CBLIF: variants seen among roughly 807,000 people sequenced by gnomAD.
CBLIF encodes the protein cobalamin binding intrinsic factor.
CBLIF carries 24 observed loss-of-function variants against 44.9 expected under a neutral mutation model. That is an observed-to-expected ratio of 0.53 (90% CI 0.39 to 0.75). The LOEUF (loss-of-function observed/expected upper bound fraction) is 0.75, where lower values mean the gene tolerates loss of function less well. Among genes scored for constraint, CBLIF ranks in the 30% least tolerant of loss-of-function variants. The pLI, the probability that CBLIF is intolerant of heterozygous loss-of-function variation, is 0.00. For synonymous variants in CBLIF, 183 were observed against 190.9 expected, an observed-to-expected ratio of 0.96 and a Z score of 0.34; for missense variants, 481 against 513.0, an observed-to-expected ratio of 0.94 and a Z score of 0.60.
chr11:59,836,038 CA>C (rs1866452248), intron 6 of CBLIF, 29 bp from the exon 7 acceptor site: 4 of 1,570,196 alleles, frequency 2.5e-6, no homozygotes, highest in Non-Finnish European at 2.6e-6. Flanking sequence ...CCACATTTGT[CA>C]AAGATTATGG....
Position 59,843,149 on chromosome 11 carries a change from G to A in CBLIF, c.257-8C>T. 1 of 1,554,820 alleles carries A rather than the reference G, an allele frequency of 6.4e-7. No individual in the cohort carries two copies. Among genetic ancestry groups the A allele is most frequent in the Non-Finnish European group, 8.9e-7 (1 of 1,126,058 alleles). On this transcript the variant is annotated splice_region_variant and splice_polypyrimidine_tract_variant and intron_variant, in intron 2 of 8. Coordinates refer to ENST00000257248, the MANE Select transcript of CBLIF (RefSeq NM_005142.3). ...GCTGCCCAATGGTTAGATCTGCAGA[G>A]AAGAGAACACAACGGTTAGACAGAG...
At chr11:59,838,100 G>A (rs970038883) in intron 5 of CBLIF, among the ~76,000 whole-genome samples, 9 of 152,134 alleles carry the variant, frequency 5.9e-5, no homozygotes, top group African/African-American at 2.2e-4. Flanking sequence ...CTTTATTCTG[G>A]TTATTCCTGA....
chr11:59,843,642 G>T (rs1472978421), intron 2 of CBLIF, among the ~76,000 whole-genome samples: 1 of 152,142 alleles, frequency 6.6e-6, no homozygotes, highest in African/African-American at 2.4e-5. Flanking sequence ...GAACCAGAAG[G>T]CTGCTCTTTC....
chr11:59,843,825 G>A lies in CBLIF; in HGVS notation c.256+54C>T. 3 of 1,319,358 alleles carry A rather than the reference G, an allele frequency of 2.3e-6. No homozygotes were observed. The South Asian group carries it at 3.5e-5, about 16-fold the overall frequency. 81.7% of individuals were successfully genotyped at this position (1,319,358 alleles called of 1,614,324 possible). On this transcript the variant is annotated intron_variant, in intron 2 of 8. Coordinates refer to ENST00000257248, the MANE Select transcript of CBLIF (RefSeq NM_005142.3). The stretch of plus-strand genomic sequence containing the variant: ...AAGGACGCTGAGTTGGAATCTGGAG[G>A]TGGTATGTGATGTGTGAGATTCAGG...
rs1866545812 is a variant in CBLIF at position 59,842,453 on chromosome 11, G to A, written c.501C>T (p.Pro167=). Residue 167 remains proline (P), a synonymous_variant, in exon 4 of 9, where the codon CCC becomes CCT. Coordinates refer to ENST00000257248, the MANE Select transcript of CBLIF (RefSeq NM_005142.3). The part of the protein sequence containing the change: ...FAKTLLANSS[P]FNVDTGAMAT... ...TGGTGACCTACTCACCTACATTGAA[G>A]GGAGAGGAGTTGGCCAGCAGGGTCT... The A allele has an allele frequency of 1.2e-6, 2 of 1,613,630 alleles. No homozygotes were observed. The highest frequency in any genetic ancestry group is 8.5e-7 in the Non-Finnish European group (1 of 1,180,036).
rs1229526027 is a variant in CBLIF, at chr11:59,843,039, C to T, written c.359G>A (p.Trp120Ter). 1 of 1,595,254 alleles carries T rather than the reference C, an allele frequency of 6.3e-7. No individual in the cohort carries two copies. Among genetic ancestry groups the T allele is most frequent in the East Asian group, 2.2e-5 (1 of 44,788 alleles). Residue 120 changes from tryptophan (W) to a stop codon, truncating the protein, a stop_gained, in exon 3 of 9, where the codon TGG (tryptophan) becomes TAG (stop). Coordinates refer to ENST00000257248, the MANE Select transcript of CBLIF (RefSeq NM_005142.3). LOFTEE classifies it high-confidence loss of function. Reference protein sequence around the residue: ...VSILQRQMENWAPSSPNAEAS... With the variant: ...VSILQRQMEN ...CAGTCAGGTCTTACTGGAAGGTGCC[C>T]AGTTCTCCATTTGTCTTTGTAGAAT...
intron 5 of CBLIF, among the ~76,000 whole-genome samples, chr11:59,837,801 G>A (rs1210018760): frequency 1.3e-5 from 2 of 152,178 alleles, no homozygotes; most frequent in Non-Finnish European, 2.9e-5. Context: ...CCTGGCCCAG[G>A]ATGGACTCAT....
chr11:59,842,313 C>T (rs376542657), intron 4 of CBLIF, 130 bp downstream of exon 4: 6 of 996,292 alleles, frequency 6.0e-6, no homozygotes, highest in African/African-American at 3.2e-5. Flanking sequence ...TATCTCCCAT[C>T]CACAGGCACG....
At chr11:59,835,587 A>G (rs1303241557) in intron 7 of CBLIF, among the ~76,000 whole-genome samples, 1 of 152,204 alleles carries the variant, frequency 6.6e-6, no homozygotes. Flanking sequence ...GGACTTTCGA[A>G]TCTCCTCTGA....
Position 59,835,993 on chromosome 11 carries a change from T to C in CBLIF, c.888A>G (p.Pro296=). The change falls in exon 7 of 9, where the codon CCA becomes CCG. Residue 296 remains proline, a synonymous_variant. Coordinates refer to ENST00000257248, the MANE Select transcript of CBLIF (RefSeq NM_005142.3). The part of the protein sequence containing the change: ...VTCSPDHEVQ[P]TLPSNPGPGP... Reference sequence around the variant, plus strand: ...CAGGGCCAGGGTTGCTGGGTAGAGTTGGTTGTACCTCATGATCTGTGAAGG... The same window carrying C: ...CAGGGCCAGGGTTGCTGGGTAGAGTCGGTTGTACCTCATGATCTGTGAAGG... The C allele has an allele frequency of 6.2e-7, 1 of 1,614,082 alleles. No individual in the cohort carries two copies. Among genetic ancestry groups the C allele is most frequent in the Non-Finnish European group, 8.5e-7 (1 of 1,179,900 alleles).
chr11:59,843,005 TC>T, intron 3 of CBLIF, 22 bp downstream of exon 3: 1 of 1,372,228 alleles, frequency 7.3e-7, no homozygotes, highest in Non-Finnish European at 1.0e-6. Context: ...CTGACTCTTT[TC>T]TCCCTTCCAG....
At chr11:59,832,550 G>A (rs1260503698) in intron 7 of CBLIF, among the ~76,000 whole-genome samples, 1 of 152,152 alleles carries the variant, frequency 6.6e-6, no homozygotes, top group Non-Finnish European at 1.5e-5. Context: ...CACTTTGGGA[G>A]GCTGAAGAGG....
rs146744565 is a variant in CBLIF, at chr11:59,835,884, T to C, written c.997A>G (p.Ile333Val). The stretch of plus-strand genomic sequence containing the variant: ...GACCCACTTTTCACACTAACATTGA[T>C]GGTCTCGTTGAAGAGCAGCTCAACC... ...RGVELLFNET[I>V]NVSVKSGSVL... Residue 333 changes from isoleucine (I) to valine (V), a missense_variant, in exon 7 of 9, where the codon ATC becomes GTC. Ile to Val is a conservative substitution (Grantham distance 29). Coordinates refer to ENST00000257248, the MANE Select transcript of CBLIF (RefSeq NM_005142.3). 40 of 1,614,138 alleles carry C rather than the reference T, an allele frequency of 2.5e-5. No homozygotes were observed. In the African/African-American group the frequency reaches 3.7e-4, roughly 15 times the overall value.
chr11:59,843,920 T>C lies in CBLIF; in HGVS notation c.215A>G (p.Gln72Arg). The stretch of plus-strand genomic sequence containing the variant: ...CATGAGCTGGTAAGTCAGGAGCTTC[T>C]GGGCCTTCAAGTTGTAGGCTCCGGC... ...NLAGAYNLKA[Q>R]KLLTYQLMSS... Residue 72 changes from glutamine to arginine, a missense_variant, in exon 2 of 9, where the codon CAG becomes CGG. Physicochemically the swap from Gln to Arg is conservative, Grantham distance 43. Transcript: ENST00000257248. The C allele has an allele frequency of 6.2e-7, 1 of 1,613,692 alleles. No homozygotes were observed. Among genetic ancestry groups the C allele is most frequent in the Non-Finnish European group, 8.5e-7 (1 of 1,179,652 alleles).
intron 7 of CBLIF, 119 bp downstream of exon 7, chr11:59,835,689 A>C: frequency 1.3e-6 from 1 of 794,652 alleles, no homozygotes; most frequent in Non-Finnish European, 2.3e-6. Context: ...AAGCTGCTCA[A>C]GCGCTATTAA....
At chr11:59,834,099 A>G (rs954290911) in intron 7 of CBLIF, among the ~76,000 whole-genome samples, 9 of 152,190 alleles carry the variant, frequency 5.9e-5, no homozygotes, top group African/African-American at 1.9e-4. Context: ...AGTATCTGCT[A>G]TCTACTGCAT....
intron 2 of CBLIF, 91 bp from the exon 3 acceptor site, chr11:59,843,232 G>C: frequency 1.3e-6 from 1 of 776,470 alleles, no homozygotes; most frequent in Non-Finnish European, 2.3e-6. Flanking sequence ...TTTTTATCTA[G>C]AGCATTTTGA....
chr11:59,834,151 C>T (rs1156723670), intron 7 of CBLIF, among the ~76,000 whole-genome samples: 1 of 152,082 alleles, frequency 6.6e-6, no homozygotes, highest in African/African-American at 2.4e-5. Context: ...GATGACTGTC[C>T]AATTTATTTT....
chr11:59,839,757 T>C (rs1866499563), intron 5 of CBLIF, among the ~76,000 whole-genome samples: 1 of 152,150 alleles, frequency 6.6e-6, no homozygotes, highest in Non-Finnish European at 1.5e-5. Context: ...AAAGCTCTAA[T>C]TCCCAGGTAC....
Sources: gnomAD v4.1 joint callset for allele counts (sites outside exome capture counted in the v4.1 genomes callset) on GRCh38, gnomAD v4.1.1 for gene constraint, MANE v1.5 for transcripts, NCBI Gene and HGNC (gene_info 2026-07-23, HGNC 2026-07-21) for gene names.